METTL8: variants seen among roughly 807,000 people sequenced by gnomAD.
METTL8 encodes the protein methyltransferase 8, tRNA N3-cytidine, also known as tRNA N(3)-cytidine methyltransferase METTL8, mitochondrial.
In METTL8, 32 loss-of-function variants were observed where a neutral mutation model predicts 48.7. That is an observed-to-expected ratio of 0.66 (90% CI 0.50 to 0.88). METTL8 has a LOEUF of 0.88. Among genes scored for constraint, METTL8 ranks in the 40% least tolerant of loss-of-function variants. METTL8 has a pLI of 0.00. For missense variants in METTL8, 464 were observed against 474.4 expected, an observed-to-expected ratio of 0.98 and a Z score of 0.20; for synonymous variants, 136 against 157.1, an observed-to-expected ratio of 0.87 and a Z score of 1.01.
At chr2:171,387,313 T>C (rs183956056) in intron 2 of METTL8, among the ~76,000 whole-genome samples, 13 of 152,224 alleles carry the variant, frequency 8.5e-5, no homozygotes, top group Admixed American at 3.3e-4. Context: ...CCTAGAGGTC[T>C]GAGCAGCGGG....
At chr2:171,390,889 T>C (rs1484644679) in intron 2 of METTL8, among the ~76,000 whole-genome samples, 1 of 152,184 alleles carries the variant, frequency 6.6e-6, no homozygotes, top group Non-Finnish European at 1.5e-5. Context: ...ATTCTAAATA[T>C]TAAACAAAAT....
chr2:171,367,994 G>A (rs867587825), intron 2 of METTL8, among the ~76,000 whole-genome samples: 4 of 152,202 alleles, frequency 2.6e-5, no homozygotes, highest in Non-Finnish European at 4.4e-5. Context: ...TAAAAACAAT[G>A]AGGGGTAAAA....
chr2:171,370,915 G>A (rs1249716485), intron 2 of METTL8, among the ~76,000 whole-genome samples: 4 of 152,178 alleles, frequency 2.6e-5, no homozygotes, highest in African/African-American at 9.6e-5. Context: ...GGTCTGCAAT[G>A]TTCTGCTCCT....
chr2:171,374,650 A>T (rs1431382213), intron 2 of METTL8, among the ~76,000 whole-genome samples: 3 of 70,458 alleles, frequency 4.3e-5, no homozygotes, highest in African/African-American at 1.1e-4. Flanking sequence ...CCTCCCTCCC[A>T]CCCCTCCCCT....
chr2:171,371,482 G>C (rs1686334028), intron 2 of METTL8, among the ~76,000 whole-genome samples: 1 of 152,060 alleles, frequency 6.6e-6, no homozygotes, highest in Non-Finnish European at 1.5e-5. Context: ...TCAGCCTCCT[G>C]AGTAGCTGGG....
rs753984709 is a variant in METTL8 at position 171,339,348 on chromosome 2, T to C, written c.442A>G (p.Thr148Ala). The C allele has an allele frequency of 4.3e-6, 7 of 1,613,300 alleles. No individual in the cohort carries two copies. The highest frequency in any genetic ancestry group is 2.7e-5 in the African/African-American group (2 of 74,900). ...TNRFSRMHCPTVPDEKNHYEK... is the reference protein window; with the variant it reads ...TNRFSRMHCPAVPDEKNHYEK... ...TAATGATTTTTTTCATCAGGCACAG[T>C]AGGACAGTGCATTCTTGAGAAACGA... Residue 148 changes from threonine (T) to alanine (A), a missense_variant, in exon 4 of 10, where the codon ACT (threonine) becomes GCT (alanine). Transcript: ENST00000375258.
intron 2 of METTL8, among the ~76,000 whole-genome samples, chr2:171,376,797 A>G (rs1040695967): frequency 6.6e-6 from 1 of 152,214 alleles, no homozygotes; most frequent in African/African-American, 2.4e-5. Flanking sequence ...TATAGATTCA[A>G]TGCAATTTCC....
At chr2:171,364,121 T>C (rs1685482367) in intron 2 of METTL8, among the ~76,000 whole-genome samples, 1 of 152,092 alleles carries the variant, frequency 6.6e-6, no homozygotes, top group African/African-American at 2.4e-5. Flanking sequence ...GGCCAAATTA[T>C]ATATGTATTA....
At chr2:171,415,795 C>T (rs1238415243) in intron 1 of METTL8, among the ~76,000 whole-genome samples, 1 of 152,060 alleles carries the variant, frequency 6.6e-6, no homozygotes, top group African/African-American at 2.4e-5. Flanking sequence ...GTATAATAGG[C>T]AGTAGGTGAC....
chr2:171,387,611 T>C (rs564674513), intron 2 of METTL8, among the ~76,000 whole-genome samples: 36 of 152,058 alleles, frequency 2.4e-4, no homozygotes, highest in African/African-American at 8.4e-4. Context: ...TAATTGCATA[T>C]ATCCAAATTT....
At chr2:171,403,990 A>G (rs916590097) in intron 1 of METTL8, among the ~76,000 whole-genome samples, 1 of 144,734 alleles carries the variant, frequency 6.9e-6, no homozygotes, top group African/African-American at 2.6e-5. Flanking sequence ...ATAGGTTCCA[A>G]GATCCCTAGT....
At chr2:171,429,830 A>C (rs1692801927) in intron 1 of METTL8, among the ~76,000 whole-genome samples, 1 of 152,164 alleles carries the variant, frequency 6.6e-6, no homozygotes, top group Admixed American at 6.5e-5. Flanking sequence ...ACCTGAGGTC[A>C]GGAGTTTGAG....
chr2:171,419,428 G>A (rs1283759211), intron 1 of METTL8, among the ~76,000 whole-genome samples: 1 of 152,096 alleles, frequency 6.6e-6, no homozygotes, highest in East Asian at 1.9e-4. Context: ...TTCCCTTCTT[G>A]CTTGTCTATA....
Position 171,331,859 on chromosome 2 carries a change from G to A in METTL8, c.665C>T (p.Pro222Leu), listed in dbSNP as rs367859843. The A allele has an allele frequency of 1.5e-5, 24 of 1,595,320 alleles. No individual in the cohort carries two copies. The African/African-American group carries it at 2.0e-4, about 13-fold the overall frequency. Residue 222 changes from proline to leucine, a missense_variant, in exon 6 of 10, where the codon CCG becomes CTG. Physicochemically the swap from Pro to Leu is moderately conservative, Grantham distance 98. Coordinates refer to ENST00000375258, the MANE Select transcript of METTL8 (RefSeq NM_001321154.2). ...ATCACAACAATACAGAAAGGACTCCGGAGAGTTCCTATGAAGATGGAAGAA... is the reference window on the plus strand; with the variant it reads ...ATCACAACAATACAGAAAGGACTCCAGAGAGTTCCTATGAAGATGGAAGAA... ...FPILNTLENS[P>L]ESFLYCCDFA...
In METTL8 at chr2:171,318,003, T is replaced by C. The variant is rs1217887849; in HGVS notation, c.*6169A>G. ...ACTCACACGCAGAACTATTATTACT[T>C]GCTTGTTACTGCATGTTGCTGATTC... On this transcript the variant is annotated 3_prime_UTR_variant, in exon 10 of 10. Coordinates refer to ENST00000375258, the MANE Select transcript of METTL8 (RefSeq NM_001321154.2). The C allele has an allele frequency of 6.6e-6, 1 of 152,218 alleles. No individual in the cohort carries two copies. Among genetic ancestry groups the C allele is most frequent in the African/African-American group, 2.4e-5 (1 of 41,458 alleles). The allele number at this position is 152,218 out of a possible 1,614,324, so 9.4% of individuals were successfully genotyped here.
At chr2:171,424,672 C>T (rs1365105117) in intron 1 of METTL8, among the ~76,000 whole-genome samples, 1 of 152,144 alleles carries the variant, frequency 6.6e-6, no homozygotes, top group Non-Finnish European at 1.5e-5. Flanking sequence ...AATGCCTGTA[C>T]CCCCATTGTA....
chr2:171,355,656 C>T (rs1430465936), intron 3 of METTL8, among the ~76,000 whole-genome samples: 2 of 152,248 alleles, frequency 1.3e-5, no homozygotes, highest in Non-Finnish European at 2.9e-5. Flanking sequence ...CCTACTCAAG[C>T]CTCAGCAATG....
At chr2:171,344,445 T>C (rs994843681) in intron 3 of METTL8, among the ~76,000 whole-genome samples, 1 of 152,226 alleles carries the variant, frequency 6.6e-6, no homozygotes, top group Non-Finnish European at 1.5e-5. Flanking sequence ...TGATTCATAC[T>C]TTCTTCTCAA....
chr2:171,410,974 G>A (rs1398113454), intron 1 of METTL8, among the ~76,000 whole-genome samples: 1 of 152,168 alleles, frequency 6.6e-6, no homozygotes, highest in Non-Finnish European at 1.5e-5. Context: ...CTGGAAATAT[G>A]AGCTGGATGT....
Sources: allele counts gnomAD v4.1 joint callset (sites outside exome capture counted in the v4.1 genomes callset), GRCh38; gene constraint gnomAD v4.1.1; transcripts MANE v1.5; gene names NCBI Gene and HGNC (gene_info 2026-07-23, HGNC 2026-07-21).